LAMA2: variants seen among roughly 807,000 people sequenced by gnomAD.
LAMA2 encodes laminin subunit alpha 2.
Under a neutral mutation model 364.8 loss-of-function variants are expected in LAMA2, and 269 were observed. The observed-to-expected ratio is 0.74, with a 90% CI of 0.67 to 0.82. The LOEUF (loss-of-function observed/expected upper bound fraction) is 0.82, where lower values mean the gene tolerates loss of function less well. LAMA2 is among the 40% of genes least tolerant of loss of function. The pLI, the probability that LAMA2 is intolerant of heterozygous loss-of-function variation, is 0.00. For synonymous variants in LAMA2, 1,379 were observed against 1,370.6 expected, an observed-to-expected ratio of 1.01 and a Z score of -0.14; for missense variants, 3,807 against 3,873.2, an observed-to-expected ratio of 0.98 and a Z score of 0.45.
Position 129,302,772 on chromosome 6 carries a change from A to G in LAMA2, c.3174+1900A>G, listed in dbSNP as rs146718115. On this transcript the variant is annotated intron_variant, in intron 22 of 64. Transcript: ENST00000421865. The stretch of plus-strand genomic sequence containing the variant: ...ACTCCTTTGTCAAAATCTATCAACT[A>G]TATATATGTTTATGCATTTCTGGAC... 5.2e-3 allele frequency among the ~76,000 whole-genome samples: 792 copies of G among 152,178 alleles called. 6 individuals are homozygous for G. The highest frequency in any genetic ancestry group is 0.018 in the African/African-American group (754 of 41,540).
intron 4 of LAMA2, among the ~76,000 whole-genome samples, chr6:129,129,923 C>CAAAAAA (rs543305057): frequency 1.3e-5 from 1 of 76,266 alleles, no homozygotes; most frequent in Non-Finnish European, 2.8e-5. Context: ...GATTCCGTCT[C>CAAAAAA]AAAAAAAAAA....
chr6:128,906,735 C>A (rs1777500225), intron 1 of LAMA2, among the ~76,000 whole-genome samples: 1 of 151,852 alleles, frequency 6.6e-6, no homozygotes, highest in South Asian at 2.1e-4. Context: ...AATGGTACTG[C>A]CTAGGTTTTC....
At chr6:129,423,393 T>C (rs1781174326) in intron 40 of LAMA2, among the ~76,000 whole-genome samples, 2 of 152,046 alleles carry the variant, frequency 1.3e-5, no homozygotes, top group Non-Finnish European at 2.9e-5. Context: ...TCACAGATAC[T>C]ATAGAAGTCT....
At chr6:128,955,547 T>A (rs768416172) in intron 1 of LAMA2, among the ~76,000 whole-genome samples, 16 of 152,054 alleles carry the variant, frequency 1.1e-4, no homozygotes, top group Admixed American at 3.3e-4. Context: ...AGAATATTTT[T>A]AAAAATAGAA....
chr6:129,270,739 T>C lies in LAMA2; in HGVS notation c.2438T>C (p.Ile813Thr), dbSNP rs771943959. ...DCQPCACPLN[I>T]PSNNFSPTCH... Reference sequence around the variant, plus strand: ...CAACCCTGTGCCTGTCCACTCAATATCCCATCCAATAAGTAAGTAACAAAC... The same window carrying C: ...CAACCCTGTGCCTGTCCACTCAATACCCCATCCAATAAGTAAGTAACAAAC... Residue 813 changes from isoleucine to threonine, a missense_variant, in exon 17 of 65, where the codon ATC (isoleucine) becomes ACC (threonine). Coordinates refer to ENST00000421865, the MANE Select transcript of LAMA2 (RefSeq NM_000426.4). 12 of 1,613,136 alleles carry C rather than the reference T, an allele frequency of 7.4e-6. No homozygotes were observed. In the East Asian group the frequency reaches 2.2e-4, roughly 30 times the overall value.
chr6:129,427,953 A>AT, intron 41 of LAMA2, 99 bp downstream of exon 41: 1 of 813,766 alleles, frequency 1.2e-6, no homozygotes, highest in Non-Finnish European at 2.1e-6. Context: ...CTTTAGCATG[A>AT]TTTTTGTGAT....
chr6:129,125,110 G>A (rs181907571), intron 4 of LAMA2, among the ~76,000 whole-genome samples: 139 of 152,300 alleles, frequency 9.1e-4, no homozygotes, highest in African/African-American at 3.2e-3. Flanking sequence ...TCAATTTTCC[G>A]TGAGGTGTGA....
chr6:129,103,713 C>T (rs745332019), intron 4 of LAMA2, among the ~76,000 whole-genome samples: 2 of 152,096 alleles, frequency 1.3e-5, no homozygotes, highest in Non-Finnish European at 2.9e-5. Flanking sequence ...CTCATTGCAT[C>T]AATCATTTTT....
chr6:129,355,744 G>A (rs1481026765), intron 32 of LAMA2, among the ~76,000 whole-genome samples: 1 of 152,104 alleles, frequency 6.6e-6, no homozygotes, highest in Admixed American at 6.6e-5. Flanking sequence ...TAAACACTCA[G>A]TTTAGTAGCA....
At chr6:129,180,991 A>G (rs747512289) in intron 10 of LAMA2, among the ~76,000 whole-genome samples, 2 of 152,068 alleles carry the variant, frequency 1.3e-5, no homozygotes, top group Non-Finnish European at 2.9e-5. Flanking sequence ...GCTTTCAGAC[A>G]GTGAAATGGG....
At chr6:129,042,176 G>C (rs1056178514) in intron 1 of LAMA2, among the ~76,000 whole-genome samples, 1 of 151,230 alleles carries the variant, frequency 6.6e-6, no homozygotes, top group African/African-American at 2.4e-5. Context: ...GTGGTGGCAG[G>C]CTCCTGTAAT....
intron 32 of LAMA2, among the ~76,000 whole-genome samples, chr6:129,362,591 A>G (rs1777528459): frequency 6.6e-6 from 1 of 152,252 alleles, no homozygotes; most frequent in Non-Finnish European, 1.5e-5. Flanking sequence ...CTGAATATTA[A>G]CTGTGTACAA....
chr6:129,365,190 TTATC>T (rs1390821640), intron 32 of LAMA2, among the ~76,000 whole-genome samples: 1 of 152,178 alleles, frequency 6.6e-6, no homozygotes, highest in Non-Finnish European at 1.5e-5. Context: ...TAGCAATTAT[TTATC>T]TATAAGACTG....
Position 129,365,355 on chromosome 6 carries a change from T to C in LAMA2, c.4718-864T>C, listed in dbSNP as rs531373305. Reference sequence around the variant, plus strand: ...ACTATAGAAAGAAAAGTTATTTTTATTTTGACTTTTTATTTTATTTTTTGG... The same window carrying C: ...ACTATAGAAAGAAAAGTTATTTTTACTTTGACTTTTTATTTTATTTTTTGG... On this transcript the variant is annotated intron_variant, in intron 32 of 64. Coordinates refer to ENST00000421865, the MANE Select transcript of LAMA2 (RefSeq NM_000426.4). 7.6e-4 allele frequency among the ~76,000 whole-genome samples: 115 copies of C among 152,266 alleles called. 1 individual carries two copies. In the Middle Eastern group the frequency reaches 0.017, roughly 23 times the overall value.
intron 62 of LAMA2, among the ~76,000 whole-genome samples, chr6:129,510,942 C>G (rs568403643): frequency 6.6e-6 from 1 of 152,208 alleles, no homozygotes; most frequent in South Asian, 2.1e-4. Flanking sequence ...AAAAGCTTCC[C>G]CCAAGATTTC....
At chr6:129,346,220 T>C (rs528628315) in intron 30 of LAMA2, among the ~76,000 whole-genome samples, 28 of 152,318 alleles carry the variant, frequency 1.8e-4, no homozygotes, top group African/African-American at 6.0e-4. Flanking sequence ...GTAATCTGAC[T>C]ACCTTTCCAG....
At position 129,425,960 on chromosome 6, in the gene LAMA2, A is replaced by G. The variant is rs4273713; in HGVS notation, c.5866-1792A>G. On this transcript the variant is annotated intron_variant, in intron 40 of 64. Transcript: ENST00000421865. ...GACTTTTAAATGCTTGTCAGATTAC[A>G]TTCTTACAAAAAGGTATTCACACTC... 9.7e-3 allele frequency among the ~76,000 whole-genome samples: 1,469 copies of G among 151,842 alleles called. 24 individuals carry two copies. Among genetic ancestry groups the G allele is most frequent in the Admixed American group, 0.025 (385 of 15,258 alleles).
intron 17 of LAMA2, 89 bp downstream of exon 17, chr6:129,270,840 A>G (rs1351949088): frequency 7.6e-7 from 1 of 1,320,676 alleles, no homozygotes; most frequent in Non-Finnish European, 1.1e-6. Flanking sequence ...CTTTTATCCC[A>G]TGTAAATAAA....
At chr6:129,222,787 G>A (rs1188570070) in intron 12 of LAMA2, among the ~76,000 whole-genome samples, 1 of 152,004 alleles carries the variant, frequency 6.6e-6, no homozygotes, top group Non-Finnish European at 1.5e-5. Flanking sequence ...ATTATGAATA[G>A]TGCCGCAATA....
Sources: gnomAD v4.1 joint callset for allele counts (sites outside exome capture counted in the v4.1 genomes callset) on GRCh38, gnomAD v4.1.1 for gene constraint, MANE v1.5 for transcripts, NCBI Gene and HGNC (gene_info 2026-07-23, HGNC 2026-07-21) for gene names.